The following GLIS3 variants were observed in gnomAD, a reference collection of about 807,000 sequenced individuals.
The protein encoded by GLIS3 is GLIS family zinc finger 3.
Under a neutral mutation model 78.6 loss-of-function variants are expected in GLIS3, and 53 were observed. The ratio of observed to expected loss-of-function variants is 0.67; its 90% CI spans 0.54 to 0.85. The LOEUF (loss-of-function observed/expected upper bound fraction) is 0.85, where lower values mean the gene tolerates loss of function less well. Among genes scored for constraint, GLIS3 ranks in the 40% least tolerant of loss-of-function variants. The pLI is 0.00. For missense variants in GLIS3, 1,703 were observed against 1,231.1 expected (o/e 1.38, Z -5.74); for synonymous variants, 684 against 509.9 (o/e 1.34, Z -4.60).
At chr9:4,134,709 G>T (rs904144689) in intron 2 of GLIS3, among the ~76,000 whole-genome samples, 1 of 152,168 alleles carries the variant, frequency 6.6e-6, no homozygotes, top group East Asian at 1.9e-4. Flanking sequence ...TAACTTAGGT[G>T]TGCAAAATGG....
the GLIS3 span, among the ~76,000 whole-genome samples, chr9:4,429,531 G>A: frequency 6.6e-6 from 1 of 152,078 alleles, no homozygotes; most frequent in Non-Finnish European, 1.5e-5. Context: ...CTGACCCCCT[G>A]GCCTTGTTAA....
At chr9:3,882,704 A>G (rs986876794) in intron 7 of GLIS3, among the ~76,000 whole-genome samples, 1 of 152,112 alleles carries the variant, frequency 6.6e-6, no homozygotes, top group African/African-American at 2.4e-5. Flanking sequence ...GGTGAAGGGG[A>G]CAGAAATGGG....
At chr9:3,887,451 G>A (rs184647311) in intron 7 of GLIS3, among the ~76,000 whole-genome samples, 30 of 152,312 alleles carry the variant, frequency 2.0e-4, no homozygotes, top group African/African-American at 6.3e-4. Context: ...GAGCTTAAGC[G>A]TGCTGCTATT....
At chr9:4,100,997 G>A (rs1377250392) in intron 4 of GLIS3, among the ~76,000 whole-genome samples, 2 of 152,120 alleles carry the variant, frequency 1.3e-5, no homozygotes, top group Non-Finnish European at 2.9e-5. Flanking sequence ...CTGGGCTGGG[G>A]GCCCCTGGAA....
At chr9:4,177,644 C>T (rs992420231) in intron 2 of GLIS3, among the ~76,000 whole-genome samples, 2 of 152,144 alleles carry the variant, frequency 1.3e-5, no homozygotes, top group Admixed American at 6.5e-5. Context: ...ATGAAACCAA[C>T]CTTTCCCAGG....
chr9:4,325,893 C>T lies in GLIS3; in HGVS notation n.265-15365G>A, dbSNP rs112083110. ...GCCATGAAAAGGAATGAGATCATGT[C>T]CTTTGCTGGGACATGGATCGAGCTG... On this transcript the variant is annotated intron_variant and non_coding_transcript_variant, in intron 2 of 4. Transcript: ENST00000471664. Among the ~76,000 whole-genome samples, 1,246 of 152,278 alleles carry T rather than the reference C, an allele frequency of 8.2e-3. 15 individuals carry two copies. Among genetic ancestry groups the T allele is most frequent in the African/African-American group, 0.029 (1,189 of 41,550 alleles).
chr9:4,434,416 C>A, the GLIS3 span, among the ~76,000 whole-genome samples: 3 of 151,940 alleles, frequency 2.0e-5, no homozygotes, highest in Admixed American at 6.5e-5. Context: ...TGTCTATGGG[C>A]TCAAAAAAAT....
At chr9:4,157,981 T>C (rs997985039) in intron 2 of GLIS3, among the ~76,000 whole-genome samples, 2 of 152,202 alleles carry the variant, frequency 1.3e-5, no homozygotes, top group African/African-American at 4.8e-5. Context: ...CGGATGTATA[T>C]ATTGCAAGCA....
intron 4 of GLIS3, among the ~76,000 whole-genome samples, chr9:3,976,865 T>C (rs1584150): frequency 0.032 from 2,816 of 88,420 alleles, 115 homozygotes; most frequent in African/African-American, 0.11. Flanking sequence ...ATGACATCTT[T>C]GGTGGAAAAA....
At chr9:4,335,889 A>G (rs1178259318) in intron 2 of GLIS3, among the ~76,000 whole-genome samples, 4 of 152,194 alleles carry the variant, frequency 2.6e-5, no homozygotes, top group African/African-American at 9.7e-5. Flanking sequence ...GTTCCAAGAA[A>G]TTCAGTTAGT....
At chr9:4,237,295 G>A (rs765411286) in intron 2 of GLIS3, among the ~76,000 whole-genome samples, 54 of 151,908 alleles carry the variant, frequency 3.6e-4, no homozygotes, top group Admixed American at 6.6e-4. Context: ...TCTCTAGACG[G>A]AATATTACAC....
intron 4 of GLIS3, among the ~76,000 whole-genome samples, chr9:4,308,091 T>C (rs1817274795): frequency 6.6e-6 from 1 of 152,132 alleles, no homozygotes; most frequent in African/African-American, 2.4e-5. Context: ...CTTGATACTA[T>C]CTGGGGCCTG....
At chr9:4,380,878 A>C in the GLIS3 span, among the ~76,000 whole-genome samples, 4,697 of 152,290 alleles carry the variant, frequency 0.031, 113 homozygotes, top group Non-Finnish European at 0.05. Context: ...ATCTCTCAAA[A>C]TGTCTCTAAG....
chr9:4,137,268 C>T (rs982008418), intron 2 of GLIS3, among the ~76,000 whole-genome samples: 1 of 152,108 alleles, frequency 6.6e-6, no homozygotes, highest in Admixed American at 6.5e-5. Flanking sequence ...CAAATCTGAA[C>T]CCAGGGAGAT....
At chr9:4,260,465 G>A (rs531646471) in intron 2 of GLIS3, among the ~76,000 whole-genome samples, 1 of 152,022 alleles carries the variant, frequency 6.6e-6, no homozygotes, top group South Asian at 2.1e-4. Flanking sequence ...TACTCGGGAG[G>A]CTGAGGCAGG....
chr9:4,236,998 T>G (rs576122025), intron 2 of GLIS3, among the ~76,000 whole-genome samples: 19 of 152,192 alleles, frequency 1.2e-4, no homozygotes, highest in Admixed American at 9.2e-4. Context: ...AATCCTTCAC[T>G]CTGTAGCTTC....
At chr9:3,938,498 G>C (rs1465062003) in intron 4 of GLIS3, among the ~76,000 whole-genome samples, 4 of 151,996 alleles carry the variant, frequency 2.6e-5, no homozygotes, top group African/African-American at 7.3e-5. Context: ...TTGGTTATTG[G>C]AATTTTCATC....
intron 2 of GLIS3, among the ~76,000 whole-genome samples, chr9:4,195,851 C>G (rs778400899): frequency 2.6e-5 from 4 of 152,230 alleles, no homozygotes; most frequent in Non-Finnish European, 2.9e-5. Context: ...TGTTCTGTGT[C>G]TAGCTAATCT....
chr9:4,229,101 G>A (rs957364281), intron 2 of GLIS3, among the ~76,000 whole-genome samples: 3 of 152,136 alleles, frequency 2.0e-5, no homozygotes, highest in Non-Finnish European at 2.9e-5. Flanking sequence ...ATAACAGTGC[G>A]TATGATATGC....
Sources: allele counts gnomAD v4.1 joint callset (sites outside exome capture counted in the v4.1 genomes callset), GRCh38; gene constraint gnomAD v4.1.1; transcripts MANE v1.5; gene names NCBI Gene and HGNC (gene_info 2026-07-23, HGNC 2026-07-21).